CTNNA2: variants seen among roughly 807,000 people sequenced by gnomAD.
The protein encoded by CTNNA2 is catenin alpha 2, also known as catenin alpha-2.
A neutral mutation model predicts 101.0 loss-of-function variants in CTNNA2; 42 were observed. The observed-to-expected ratio is 0.42, with a 90% CI of 0.32 to 0.54. CTNNA2 has a LOEUF of 0.54. Ranked by LOEUF, CTNNA2 falls within the 20% of genes least tolerant of loss-of-function variation. The pLI, the probability that CTNNA2 is intolerant of heterozygous loss-of-function variation, is 0.14. For synonymous variants in CTNNA2, 450 were observed against 456.4 expected, an observed-to-expected ratio of 0.99 and a Z score of 0.18; for missense variants, 871 against 1,223.1, an observed-to-expected ratio of 0.71 and a Z score of 4.29.
chr2:79,754,563 A>G (rs953654606), intron 3 of CTNNA2, among the ~76,000 whole-genome samples: 1 of 152,126 alleles, frequency 6.6e-6, no homozygotes, highest in African/African-American at 2.4e-5. Context: ...CTCCTGCAGC[A>G]CTTTCCGCAG....
intron 7 of CTNNA2, among the ~76,000 whole-genome samples, chr2:80,091,063 A>G (rs1699763980): frequency 6.6e-6 from 1 of 152,126 alleles, no homozygotes; most frequent in Admixed American, 6.6e-5. Context: ...TCAGAGAGGT[A>G]TAGTCTCATC....
intron 2 of CTNNA2, among the ~76,000 whole-genome samples, chr2:79,272,536 G>C (rs1404896485): frequency 6.6e-6 from 1 of 152,012 alleles, no homozygotes; most frequent in Non-Finnish European, 1.5e-5. Context: ...CATCATGCCA[G>C]TCACATATTT....
chr2:80,144,899 T>G (rs1291654238), intron 7 of CTNNA2, among the ~76,000 whole-genome samples: 1 of 152,178 alleles, frequency 6.6e-6, no homozygotes, highest in East Asian at 1.9e-4. Context: ...GATTGTCCTG[T>G]GCATTGTGGG....
chr2:80,493,865 A>G (rs1438374823), intron 9 of CTNNA2, among the ~76,000 whole-genome samples: 1 of 152,244 alleles, frequency 6.6e-6, no homozygotes, highest in African/African-American at 2.4e-5. Context: ...AAATGAGTCA[A>G]AGTATAACAT....
chr2:79,593,738 G>C (rs766043659), intron 1 of CTNNA2, among the ~76,000 whole-genome samples: 1 of 151,984 alleles, frequency 6.6e-6, no homozygotes, highest in Non-Finnish European at 1.5e-5. Flanking sequence ...TCCGATACTT[G>C]TTATTACTTC....
At chr2:79,714,554 T>G (rs1685948725) in intron 2 of CTNNA2, among the ~76,000 whole-genome samples, 1 of 152,192 alleles carries the variant, frequency 6.6e-6, no homozygotes, top group Admixed American at 6.5e-5. Flanking sequence ...CAGGCAAATG[T>G]GCATTCCATG....
intron 2 of CTNNA2, among the ~76,000 whole-genome samples, chr2:79,248,658 T>A (rs935193051): frequency 2.6e-5 from 4 of 152,148 alleles, no homozygotes; most frequent in African/African-American, 9.7e-5. Context: ...CAGTCTTCAC[T>A]AGCCTGGACC....
intron 16 of CTNNA2, among the ~76,000 whole-genome samples, chr2:80,607,700 A>G (rs921484836): frequency 2.6e-5 from 4 of 151,920 alleles, no homozygotes; most frequent in African/African-American, 9.7e-5. Flanking sequence ...TTATAAGTGA[A>G]TGATACATTT....
At chr2:80,635,243 C>G (rs556616712) in intron 18 of CTNNA2, among the ~76,000 whole-genome samples, 1 of 151,530 alleles carries the variant, frequency 6.6e-6, no homozygotes, top group Non-Finnish European at 1.5e-5. Context: ...AAAGCAGTGA[C>G]CAGGAAAAAA....
intron 12 of CTNNA2, among the ~76,000 whole-genome samples, chr2:80,564,526 T>C (rs961714585): frequency 2.8e-5 from 4 of 142,894 alleles, no homozygotes; most frequent in Non-Finnish European, 6.1e-5. Context: ...TTTTTTTTTT[T>C]ACCCCCTCCT....
At chr2:80,304,624 G>GGCGGGCGGCGGGCGGTGGGGAGGT (rs1326872631) in intron 7 of CTNNA2, 4 of 152,768 alleles carry the variant, frequency 2.6e-5, no homozygotes, top group African/African-American at 9.7e-5. Context: ...GGCGGCGGGC[G>GGCGGGCGGCGGGCGGTGGGGAGGT]GCGGGCGGCG....
intron 4 of CTNNA2, among the ~76,000 whole-genome samples, chr2:79,382,645 G>A (rs545335836): frequency 1.3e-4 from 20 of 151,970 alleles, no homozygotes; most frequent in Non-Finnish European, 2.6e-4. Context: ...GACACTCTTC[G>A]CTCTGTCGCC....
chr2:80,088,678 C>T (rs1699593534), intron 7 of CTNNA2, among the ~76,000 whole-genome samples: 1 of 151,844 alleles, frequency 6.6e-6, no homozygotes, highest in African/African-American at 2.4e-5. Context: ...GGATTATATG[C>T]ACATAGATGC....
At chr2:80,264,362 T>A (rs1437210463) in intron 7 of CTNNA2, among the ~76,000 whole-genome samples, 1 of 152,200 alleles carries the variant, frequency 6.6e-6, no homozygotes, top group Non-Finnish European at 1.5e-5. Flanking sequence ...TCTGGACTTG[T>A]ATGTCAGACT....
At chr2:80,287,025 A>G (rs1185450416) in intron 7 of CTNNA2, among the ~76,000 whole-genome samples, 4 of 152,344 alleles carry the variant, frequency 2.6e-5, no homozygotes, top group East Asian at 1.9e-4. Flanking sequence ...AATTAATGAT[A>G]TGAACAATGA....
intron 7 of CTNNA2, among the ~76,000 whole-genome samples, chr2:80,024,482 G>A (rs1404927005): frequency 6.6e-6 from 1 of 152,186 alleles, no homozygotes; most frequent in Non-Finnish European, 1.5e-5. Flanking sequence ...AAGGTGAGAT[G>A]GGATAGTTCC....
chr2:79,853,356 T>C (rs1463793001), intron 3 of CTNNA2, among the ~76,000 whole-genome samples: 1 of 152,170 alleles, frequency 6.6e-6, no homozygotes, highest in Non-Finnish European at 1.5e-5. Flanking sequence ...TTGACCAGGC[T>C]GGATGAAAAA....
intron 2 of CTNNA2, among the ~76,000 whole-genome samples, chr2:79,272,930 A>G (rs951180055): frequency 1.3e-5 from 2 of 152,072 alleles, no homozygotes; most frequent in Non-Finnish European, 2.9e-5. Context: ...TGCAAGGAAC[A>G]GACAATTGGA....
At chr2:80,171,357 G>A (rs532163410) in intron 7 of CTNNA2, among the ~76,000 whole-genome samples, 1 of 152,198 alleles carries the variant, frequency 6.6e-6, no homozygotes, top group African/African-American at 2.4e-5. Context: ...GCTAAGTCCC[G>A]CCAATCTCAA....
Sources: allele counts gnomAD v4.1 joint callset (sites outside exome capture counted in the v4.1 genomes callset), GRCh38; gene constraint gnomAD v4.1.1; transcripts MANE v1.5; gene names NCBI Gene and HGNC (gene_info 2026-07-23, HGNC 2026-07-21).